Variants in MOSMO observed in about 807,000 individuals in gnomAD.
The protein encoded by MOSMO is modulator of smoothened protein.
MOSMO carries 5 observed loss-of-function variants against 18.4 expected under a neutral mutation model. The ratio of observed to expected loss-of-function variants is 0.27; its 90% CI spans 0.14 to 0.57. The LOEUF is 0.57. Ranked by LOEUF, MOSMO falls within the 20% of genes least tolerant of loss-of-function variation. The pLI is 0.92. For missense variants in MOSMO, 138 were observed against 211.8 expected (o/e 0.65, Z 2.16); for synonymous variants, 82 against 82.3 (o/e 1.00, Z 0.02).
intron 1 of MOSMO, among the ~76,000 whole-genome samples, chr16:22,029,731 TCCTC>T (rs1307353435): frequency 6.6e-6 from 1 of 152,166 alleles, no homozygotes; most frequent in African/African-American, 2.4e-5. Flanking sequence ...GCTCAAGTGA[TCCTC>T]CCATCTCAGC....
At chr16:22,041,140 A>G (rs1900202819) in intron 1 of MOSMO, among the ~76,000 whole-genome samples, 1 of 152,228 alleles carries the variant, frequency 6.6e-6, no homozygotes, top group Non-Finnish European at 1.5e-5. Context: ...ATTTAAATAC[A>G]GTAATGAAGT....
chr16:22,008,420 C>A lies in MOSMO; in HGVS notation c.106+13C>A. ...GGGGAGTCTGCGGGTGAGCCGCTGG[C>A]GCGCCGGGCCGGGCGGGGGATTGGC... On this transcript the variant is annotated intron_variant, in intron 1 of 2. Transcript: ENST00000542527. 1 of 1,255,692 alleles carries A rather than the reference C, an allele frequency of 8.0e-7. No homozygotes were observed. The highest frequency in any genetic ancestry group is 1.7e-5 in the South Asian group (1 of 58,066). 77.8% of individuals were successfully genotyped at this position (1,255,692 alleles called of 1,614,324 possible). A position where few individuals can be genotyped will look rare whatever the true frequency, so the allele number is the denominator to read the frequency against.
intron 1 of MOSMO, among the ~76,000 whole-genome samples, chr16:22,065,731 C>T (rs1327344896): frequency 2.6e-5 from 4 of 152,112 alleles, no homozygotes; most frequent in Non-Finnish European, 5.9e-5. Flanking sequence ...TCACACAGAC[C>T]TAAATGGTGG....
At chr16:22,091,169 C>G (rs1180724346), downstream of MOSMO, among the ~76,000 whole-genome samples, 1 of 152,128 alleles carries the variant, frequency 6.6e-6, no homozygotes, top group Non-Finnish European at 1.5e-5. Flanking sequence ...ACCTTCTTAC[C>G]TCTTTCTGAT....
chr16:22,058,282 C>T (rs758275738), intron 1 of MOSMO, among the ~76,000 whole-genome samples: 27 of 151,990 alleles, frequency 1.8e-4, no homozygotes, highest in Middle Eastern at 6.8e-3. Flanking sequence ...AAAAATTAGC[C>T]GGGCGTGATG....
At chr16:22,017,106 T>G (rs1039284495) in intron 1 of MOSMO, among the ~76,000 whole-genome samples, 5 of 152,216 alleles carry the variant, frequency 3.3e-5, no homozygotes, top group African/African-American at 1.2e-4. Context: ...GAGTTCATTT[T>G]TTCCATAACC....
At chr16:22,090,948 T>G (rs1270569921), downstream of MOSMO, among the ~76,000 whole-genome samples, 1 of 152,158 alleles carries the variant, frequency 6.6e-6, no homozygotes, top group Non-Finnish European at 1.5e-5. Flanking sequence ...TGGACTTTAC[T>G]TCTATGCACA....
intron 1 of MOSMO, among the ~76,000 whole-genome samples, chr16:22,022,856 T>C (rs1234631816): frequency 6.6e-6 from 1 of 152,144 alleles, no homozygotes; most frequent in East Asian, 1.9e-4. Flanking sequence ...GGCACCCTGA[T>C]CTCAGATTTC....
intron 1 of MOSMO, among the ~76,000 whole-genome samples, chr16:22,014,426 G>A (rs1899597837): frequency 6.6e-6 from 1 of 152,154 alleles, no homozygotes; most frequent in African/African-American, 2.4e-5. Context: ...ATTGGCAGGT[G>A]TTCAGGGAAG....
intron 1 of MOSMO, among the ~76,000 whole-genome samples, chr16:22,035,139 G>A (rs1900082351): frequency 6.6e-6 from 1 of 152,100 alleles, no homozygotes; most frequent in Admixed American, 6.6e-5. Context: ...ACATGGGGAG[G>A]GGAAGAGTTC....
chr16:22,032,780 T>G (rs1900022417), intron 1 of MOSMO, among the ~76,000 whole-genome samples: 1 of 152,174 alleles, frequency 6.6e-6, no homozygotes, highest in Non-Finnish European at 1.5e-5. Context: ...ACTCATGGCC[T>G]CAAGCAGTCC....
At chr16:22,024,929 C>T (rs1260841155) in intron 1 of MOSMO, among the ~76,000 whole-genome samples, 3 of 151,922 alleles carry the variant, frequency 2.0e-5, no homozygotes, top group Non-Finnish European at 4.4e-5. Context: ...ATGGGAGGAT[C>T]GCCTGAGCCC....
At chr16:22,065,828 T>C (rs537415462) in intron 1 of MOSMO, among the ~76,000 whole-genome samples, 1 of 152,294 alleles carries the variant, frequency 6.6e-6, no homozygotes, top group African/African-American at 2.4e-5. Flanking sequence ...AATTGTGACC[T>C]GTTGTTGAGT....
At chr16:22,022,900 TG>T in intron 1 of MOSMO, among the ~76,000 whole-genome samples, 1 of 152,294 alleles carries the variant, frequency 6.6e-6, no homozygotes, top group Non-Finnish European at 1.5e-5. Context: ...GAATTTTAAT[TG>T]CTTTTAAGCC....
chr16:22,072,806 CAAAAA>C (rs906526492), intron 1 of MOSMO, among the ~76,000 whole-genome samples: 1 of 78,486 alleles, frequency 1.3e-5, no homozygotes, highest in Non-Finnish European at 2.7e-5. Flanking sequence ...GACTCCATCT[CAAAAA>C]AAAAAAAAAA....
rs182467593 is a variant in MOSMO, at chr16:22,056,556, T to A, written c.107-18931T>A. 7.8e-3 allele frequency among the ~76,000 whole-genome samples: 1,168 copies of A among 149,638 alleles called. 5 individuals carry two copies. The highest frequency in any genetic ancestry group is 0.014 in the East Asian group (73 of 5,116). ...CGGTTAATTTTATATATATATATAT[T>A]TTTTTTTGGTAGAGACGGGGTTTCT... On this transcript the variant is annotated intron_variant, in intron 1 of 2. Transcript: ENST00000542527.
intron 1 of MOSMO, among the ~76,000 whole-genome samples, chr16:22,046,030 C>T (rs1462611425): frequency 7.9e-6 from 1 of 126,292 alleles, no homozygotes; most frequent in Non-Finnish European, 1.6e-5. Flanking sequence ...CTCCCCCCTC[C>T]CCCCACCCCA....
intron 1 of MOSMO, among the ~76,000 whole-genome samples, chr16:22,041,680 A>AT (rs926975985): frequency 2.9e-4 from 43 of 147,380 alleles, no homozygotes; most frequent in East Asian, 3.9e-4. Flanking sequence ...TTTAACTTTA[A>AT]TTTTTTTTTT....
At chr16:22,056,265 G>T (rs1444330545) in intron 1 of MOSMO, among the ~76,000 whole-genome samples, 1 of 151,410 alleles carries the variant, frequency 6.6e-6, no homozygotes, top group Non-Finnish European at 1.5e-5. Context: ...TAGGACATCT[G>T]CCACTGACGC....
Sources: gnomAD v4.1 joint callset for allele counts (sites outside exome capture counted in the v4.1 genomes callset) on GRCh38, gnomAD v4.1.1 for gene constraint, MANE v1.5 for transcripts, NCBI Gene and HGNC (gene_info 2026-07-23, HGNC 2026-07-21) for gene names.